The following MTMR3 variants were observed in gnomAD, a reference collection of about 807,000 sequenced individuals.
MTMR3 encodes myotubularin related protein 3.
Under a neutral mutation model 132.4 loss-of-function variants are expected in MTMR3, and 32 were observed. The observed-to-expected ratio is 0.24, with a 90% CI of 0.18 to 0.32. MTMR3 has a LOEUF of 0.32. Ranked by LOEUF, MTMR3 falls within the 10% of genes least tolerant of loss-of-function variation. MTMR3 has a pLI of 1.00. For missense variants in MTMR3, 1,216 were observed against 1,489.6 expected (o/e 0.82, Z 3.02); for synonymous variants, 556 against 550.3 (o/e 1.01, Z -0.14).
chr22:29,929,245 C>T (rs932165176), intron 1 of MTMR3, among the ~76,000 whole-genome samples: 1 of 152,064 alleles, frequency 6.6e-6, no homozygotes, highest in Admixed American at 6.6e-5. Context: ...TGTGCCATTA[C>T]ACTCCAGCCT....
chr22:29,984,449 T>C (rs2066817345), intron 5 of MTMR3: 2 of 152,254 alleles, frequency 1.3e-5, no homozygotes, highest in Admixed American at 6.5e-5. Flanking sequence ...GTATGTCTGT[T>C]AAATTTTTAA....
chr22:29,980,190 A>G (rs933173072), intron 5 of MTMR3: 9 of 151,998 alleles, frequency 5.9e-5, no homozygotes, highest in Non-Finnish European at 1.2e-4. Flanking sequence ...TTACTCAGCA[A>G]TTAAAAAAAG....
At chr22:29,992,588 G>A (rs901633130) in intron 7 of MTMR3, 6 of 152,194 alleles carry the variant, frequency 3.9e-5, no homozygotes, top group African/African-American at 1.2e-4. Flanking sequence ...CTGACTTTTA[G>A]TGTGTCAGGT....
intron 19 of MTMR3, chr22:30,024,413 C>T (rs1158396459): frequency 6.6e-6 from 1 of 151,780 alleles, no homozygotes; most frequent in Non-Finnish European, 1.5e-5. Flanking sequence ...TGTGTAACTA[C>T]AGGTTTTTGC....
chr22:30,012,702 G>A (rs1054315509), intron 13 of MTMR3, 139 bp downstream of exon 13: 2 of 902,932 alleles, frequency 2.2e-6, no homozygotes, highest in Admixed American at 5.7e-5. Flanking sequence ...TTTATGCCAT[G>A]AGCTAAATTG....
intron 1 of MTMR3, among the ~76,000 whole-genome samples, chr22:29,931,896 G>C (rs1179630954): frequency 6.7e-6 from 1 of 149,808 alleles, no homozygotes. Context: ...AAGATTTCAT[G>C]TTATTTGGTA....
chr22:30,007,290 A>T lies in MTMR3; in HGVS notation c.848A>T (p.Asn283Ile), dbSNP rs138787389. 3.1e-6 allele frequency: 5 copies of T among 1,614,028 alleles called. No individual in the cohort carries two copies. The South Asian group carries it at 5.5e-5, about 18-fold the overall frequency. The stretch of plus-strand genomic sequence containing the variant: ...AGGAACACTTCTCGAGACTTTCCCA[A>T]TGGGGGAGACCTTTCTGACGTGGAG... ...STRNTSRDFP[N>I]GGDLSDVEFD... The change falls in exon 10 of 20, where the codon AAT becomes ATT. Residue 283 changes from asparagine (N) to isoleucine (I), a missense_variant. Transcript: ENST00000401950.
At position 30,016,628 on chromosome 22, in the gene MTMR3, C is replaced by G; in HGVS notation, c.1604C>G (p.Ser535Cys). 6.2e-7 allele frequency: 1 copy of G among 1,614,218 alleles called. No individual in the cohort carries two copies. The highest frequency in any genetic ancestry group is 8.5e-7 in the Non-Finnish European group (1 of 1,180,034). ...AAGCATACTCAGGAACGGACATGTT[C>G]CGTGTGGTCACTTCTTCGGGCAGGC... ...GEKHTQERTC[S>C]VWSLLRAGNK... Residue 535 changes from serine (S) to cysteine (C), a missense_variant, in exon 15 of 20, where the codon TCC (serine) becomes TGC (cysteine). Coordinates refer to ENST00000401950, the MANE Select transcript of MTMR3 (RefSeq NM_021090.4).
chr22:29,987,170 A>G (rs1601381083), intron 5 of MTMR3: 1 of 152,202 alleles, frequency 6.6e-6, no homozygotes, highest in Admixed American at 6.5e-5. Flanking sequence ...TCTGAGTAAT[A>G]TTATTTTGCT....
intron 5 of MTMR3, chr22:29,986,654 TTTTTC>T (rs1221862170): frequency 1.1e-6 from 1 of 916,414 alleles, no homozygotes; most frequent in African/African-American, 1.8e-5. Flanking sequence ...AGATTTTTCT[TTTTTC>T]TTTTCTTTTT....
chr22:30,023,443 T>TCC, intron 19 of MTMR3: 9 of 1,614,160 alleles, frequency 5.6e-6, no homozygotes, highest in Non-Finnish European at 7.6e-6. Context: ...GAGCTCTTTC[T>TCC]CCCCTCCTTG....
chr22:29,898,437 C>G (rs1638905525), intron 1 of MTMR3, among the ~76,000 whole-genome samples: 1 of 152,118 alleles, frequency 6.6e-6, no homozygotes, highest in African/African-American at 2.4e-5. Context: ...GGGTAGGTCT[C>G]TGTCCCTCAG....
chr22:29,942,233 C>T (rs970276893), intron 1 of MTMR3, among the ~76,000 whole-genome samples: 9 of 152,030 alleles, frequency 5.9e-5, no homozygotes, highest in African/African-American at 1.7e-4. Context: ...CGGCAGCTTC[C>T]GTGATGACCC....
intron 1 of MTMR3, among the ~76,000 whole-genome samples, chr22:29,937,693 A>C (rs1476539261): frequency 6.6e-6 from 1 of 152,224 alleles, no homozygotes; most frequent in East Asian, 1.9e-4. Flanking sequence ...TGCGTTTCGT[A>C]GGGAGTATAT....
intron 1 of MTMR3, among the ~76,000 whole-genome samples, chr22:29,950,935 G>A (rs939199059): frequency 3.9e-5 from 6 of 152,104 alleles, no homozygotes; most frequent in Non-Finnish European, 8.8e-5. Flanking sequence ...GGTGGATCAC[G>A]AGGTCAAGAG....
chr22:29,927,020 G>A (rs2065530591), intron 1 of MTMR3, among the ~76,000 whole-genome samples: 1 of 152,174 alleles, frequency 6.6e-6, no homozygotes, highest in Non-Finnish European at 1.5e-5. Context: ...TATATGGTGT[G>A]AGGTAGAGTT....
At chr22:30,022,341 T>G in intron 18 of MTMR3, 1 of 609,568 alleles carries the variant, frequency 1.6e-6, no homozygotes, top group Non-Finnish European at 2.9e-6. Context: ...TGGCCCTCCC[T>G]CTTCATTGCC....
At chr22:29,967,503 A>G (rs1263475670) in intron 2 of MTMR3, among the ~76,000 whole-genome samples, 3 of 150,470 alleles carry the variant, frequency 2.0e-5, no homozygotes, top group Non-Finnish European at 4.4e-5. Context: ...AATTGCTAGG[A>G]TTATAAGAGT....
At chr22:30,016,118 C>T (rs886160803) in intron 14 of MTMR3, 3 of 192,908 alleles carry the variant, frequency 1.6e-5, no homozygotes, top group Non-Finnish European at 3.2e-5. Flanking sequence ...ACATGCCCAG[C>T]ACCTTAGTCA....
Sources: allele counts gnomAD v4.1 joint callset (sites outside exome capture counted in the v4.1 genomes callset), GRCh38; gene constraint gnomAD v4.1.1; transcripts MANE v1.5; gene names NCBI Gene and HGNC (gene_info 2026-07-23, HGNC 2026-07-21).